The following RBM19 variants were observed in gnomAD, a reference collection of about 807,000 sequenced individuals.
RBM19 encodes the protein RNA binding motif protein 19.
RBM19 carries 94 observed loss-of-function variants against 116.8 expected under a neutral mutation model. The ratio of observed to expected loss-of-function variants is 0.80; its 90% CI spans 0.68 to 0.95. The LOEUF is 0.95. Among genes scored for constraint, RBM19 ranks in the 40% least tolerant of loss-of-function variants. The pLI, the probability that RBM19 is intolerant of heterozygous loss-of-function variation, is 0.00. For synonymous variants in RBM19, 475 were observed against 494.1 expected, an observed-to-expected ratio of 0.96 and a Z score of 0.51; for missense variants, 1,161 against 1,220.7, an observed-to-expected ratio of 0.95 and a Z score of 0.73.
At chr12:113,827,899 C>T (rs991383639) in intron 23 of RBM19, among the ~76,000 whole-genome samples, 7 of 152,076 alleles carry the variant, frequency 4.6e-5, no homozygotes, top group Non-Finnish European at 5.9e-5. Context: ...GAAATCTACA[C>T]GCCTAGGGTG....
chr12:113,877,148 T>C (rs56013992), intron 21 of RBM19, among the ~76,000 whole-genome samples: 17,327 of 152,268 alleles, frequency 0.11, 1,235 homozygotes, highest in East Asian at 0.23. Flanking sequence ...GAAGCTTCTC[T>C]AGGGTGTGGA....
intron 19 of RBM19, among the ~76,000 whole-genome samples, chr12:113,919,235 T>C (rs1443017665): frequency 1.3e-5 from 2 of 152,198 alleles, no homozygotes; most frequent in African/African-American, 2.4e-5. Flanking sequence ...CTAGGCACCA[T>C]GCATCAGGAT....
At chr12:113,962,703 G>C (rs1339903891) in intron 1 of RBM19, among the ~76,000 whole-genome samples, 5 of 152,220 alleles carry the variant, frequency 3.3e-5, no homozygotes, top group Admixed American at 2.6e-4. Flanking sequence ...ACCAATTACA[G>C]AAGCAGTATT....
chr12:113,853,665 C>T (rs888188381), intron 22 of RBM19, among the ~76,000 whole-genome samples: 1 of 152,170 alleles, frequency 6.6e-6, no homozygotes, highest in Non-Finnish European at 1.5e-5. Context: ...CTATTGGTGG[C>T]CACTCAGCCA....
rs1405519854 is a variant in RBM19 at position 113,898,436 on chromosome 12, T to C, written c.2558+16533A>G. Among the ~76,000 whole-genome samples the C allele has an allele frequency of 6.6e-6, 1 of 152,178 alleles. No homozygotes were observed. The highest frequency in any genetic ancestry group is 1.9e-4 in the East Asian group (1 of 5,204). ...GATCATGTCTCTGCACCTAACCAAC[T>C]GGCAACAAGAGATCAATTCACTGGG... On this transcript the variant is annotated intron_variant, in intron 21 of 23. Transcript: ENST00000261741. The surrounding 1 kb of genome is among the most constrained non-coding windows in gnomAD (Gnocchi z 4.3).
intron 1 of RBM19, among the ~76,000 whole-genome samples, chr12:113,964,847 G>A (rs577927966): frequency 5.9e-5 from 9 of 152,050 alleles, no homozygotes; most frequent in Admixed American, 3.9e-4. Flanking sequence ...GTAGGACAGA[G>A]CAAAGACTTT....
chr12:113,954,862 A>G (rs1336255368), intron 7 of RBM19, among the ~76,000 whole-genome samples: 1 of 152,150 alleles, frequency 6.6e-6, no homozygotes, highest in Non-Finnish European at 1.5e-5. Flanking sequence ...GACTGCCCCC[A>G]CAACCTTTTC....
intron 21 of RBM19, among the ~76,000 whole-genome samples, chr12:113,869,309 G>C (rs1879054353): frequency 6.6e-6 from 1 of 152,130 alleles, no homozygotes. Context: ...TGGATAATTG[G>C]AAGAAATTGT....
intron 22 of RBM19, among the ~76,000 whole-genome samples, chr12:113,845,511 G>A (rs528578032): frequency 5.9e-5 from 9 of 152,230 alleles, no homozygotes; most frequent in South Asian, 2.1e-4. Flanking sequence ...AATTCAATGC[G>A]TTTTAGTATA....
intron 21 of RBM19, among the ~76,000 whole-genome samples, chr12:113,904,003 C>CT (rs891438035): frequency 2.0e-5 from 3 of 152,058 alleles, no homozygotes; most frequent in Non-Finnish European, 4.4e-5. Context: ...AACTCAAGAT[C>CT]TTTTTTTTGA....
At chr12:113,820,245 T>A (rs1284854899), downstream of RBM19, among the ~76,000 whole-genome samples, 31 of 140,000 alleles carry the variant, frequency 2.2e-4, no homozygotes, top group Non-Finnish European at 2.4e-4. Context: ...ACTGATGAAC[T>A]AAAAAAAAAA....
At chr12:113,834,521 C>A (rs763662709) in intron 23 of RBM19, among the ~76,000 whole-genome samples, 1 of 152,166 alleles carries the variant, frequency 6.6e-6, no homozygotes, top group Non-Finnish European at 1.5e-5. Flanking sequence ...CTTGGTGGGC[C>A]ATAGGGTCTC....
At chr12:113,933,349 T>TG (rs1869781028) in intron 16 of RBM19, among the ~76,000 whole-genome samples, 3 of 35,590 alleles carry the variant, frequency 8.4e-5, no homozygotes, top group Non-Finnish European at 1.1e-4. Flanking sequence ...GCAAAGAGGG[T>TG]GGGGGTGGGG....
intron 23 of RBM19, among the ~76,000 whole-genome samples, chr12:113,827,844 A>G (rs1489954062): frequency 6.6e-6 from 1 of 151,700 alleles, no homozygotes; most frequent in Non-Finnish European, 1.5e-5. Context: ...AAGTTGCTTC[A>G]CCTCTCTGGG....
At chr12:113,828,093 C>A (rs1875033696) in intron 23 of RBM19, among the ~76,000 whole-genome samples, 1 of 127,566 alleles carries the variant, frequency 7.8e-6, no homozygotes. Context: ...GCTCTCGACT[C>A]TGTCTCAAAA....
chr12:113,915,190 A>C, intron 20 of RBM19, 105 bp from the exon 21 acceptor site: 1 of 983,380 alleles, frequency 1.0e-6, no homozygotes, highest in East Asian at 2.4e-5. Context: ...TGATGGATTC[A>C]AGGAGTGTGC....
chr12:113,862,484 T>C (rs189879762), intron 21 of RBM19, among the ~76,000 whole-genome samples: 5 of 152,318 alleles, frequency 3.3e-5, no homozygotes, highest in African/African-American at 4.8e-5. Flanking sequence ...AAGAAATCGA[T>C]GAAGTACCTT....
Position 113,913,619 on chromosome 12 carries a change from A to G in RBM19, c.2558+1350T>C, listed in dbSNP as rs538122475. Among the ~76,000 whole-genome samples, 23 of 152,386 alleles carry G rather than the reference A, an allele frequency of 1.5e-4. 2 individuals are homozygous for G. The South Asian group carries it at 4.8e-3, about 32-fold the overall frequency. On this transcript the variant is annotated intron_variant, in intron 21 of 23. Transcript: ENST00000261741. ...CATGACTTCTTATTCTTCAAACTACAGAGTGAGAGCAAAGAAGGTAGATGC... is the reference window on the plus strand; with the variant it reads ...CATGACTTCTTATTCTTCAAACTACGGAGTGAGAGCAAAGAAGGTAGATGC...
intron 11 of RBM19, among the ~76,000 whole-genome samples, chr12:113,946,884 G>C (rs1436028685): frequency 6.6e-6 from 1 of 152,242 alleles, no homozygotes; most frequent in East Asian, 1.9e-4. Flanking sequence ...AAGGAAAAAG[G>C]GTGATGATGA....
Sources: allele counts gnomAD v4.1 joint callset (sites outside exome capture counted in the v4.1 genomes callset), GRCh38; gene constraint gnomAD v4.1.1; non-coding constraint Gnocchi (gnomAD v3.1); transcripts MANE v1.5; gene names NCBI Gene and HGNC (gene_info 2026-07-23, HGNC 2026-07-21).